Variants in PRDM16 observed in about 807,000 individuals in gnomAD.
The protein encoded by PRDM16 is histone-lysine N-methyltransferase PRDM16.
In PRDM16, 23 loss-of-function variants were observed where a neutral mutation model predicts 110.6. That is an observed-to-expected ratio of 0.21 (90% CI 0.15 to 0.29). PRDM16 has a LOEUF of 0.29. PRDM16 is among the 10% of genes least tolerant of loss of function. The pLI is 1.00. For synonymous variants in PRDM16, 799 were observed against 781.8 expected (o/e 1.02, Z -0.37); for missense variants, 1,615 against 1,794.3 (o/e 0.90, Z 1.81).
intron 1 of PRDM16, among the ~76,000 whole-genome samples, chr1:3,111,392 G>A (rs1642788414): frequency 1.2e-5 from 1 of 83,222 alleles, no homozygotes; most frequent in South Asian, 4.2e-4. Flanking sequence ...TCCACACATG[G>A]AGGCAGGATT....
At chr1:3,188,448 C>T (rs373797133) in intron 2 of PRDM16, among the ~76,000 whole-genome samples, 15 of 152,218 alleles carry the variant, frequency 9.9e-5, no homozygotes, top group South Asian at 2.1e-4. Context: ...CACTGCCTGC[C>T]GGTGCCTGTT....
intron 3 of PRDM16, among the ~76,000 whole-genome samples, chr1:3,362,774 C>G (rs886508310): frequency 1.3e-5 from 2 of 152,200 alleles, no homozygotes; most frequent in Non-Finnish European, 2.9e-5. Context: ...TAAAATCCCC[C>G]CCGTGGGACG....
At chr1:3,119,815 G>A (rs1213145100) in intron 1 of PRDM16, among the ~76,000 whole-genome samples, 2 of 152,234 alleles carry the variant, frequency 1.3e-5, no homozygotes, top group Non-Finnish European at 2.9e-5. Flanking sequence ...GCCTGCCCCT[G>A]TCACGCCGGA....
chr1:3,282,856 A>G (rs1407178014), intron 3 of PRDM16, among the ~76,000 whole-genome samples: 1 of 152,168 alleles, frequency 6.6e-6, no homozygotes, highest in East Asian at 1.9e-4. Context: ...GCGCTAGCCC[A>G]AGCTCCCGGG....
At chr1:3,423,933 G>A (rs1638512191) in intron 12 of PRDM16, among the ~76,000 whole-genome samples, 1 of 152,266 alleles carries the variant, frequency 6.6e-6, no homozygotes, top group South Asian at 2.1e-4. Flanking sequence ...TGTGGGATCA[G>A]ATGAGCACCG....
intron 3 of PRDM16, among the ~76,000 whole-genome samples, chr1:3,336,504 G>C (rs1288041559): frequency 6.6e-6 from 1 of 152,056 alleles, no homozygotes; most frequent in Admixed American, 6.5e-5. Flanking sequence ...GTGAGACTGA[G>C]CGTATTCATG....
At chr1:3,414,717 G>A in intron 10 of PRDM16, 70 bp downstream of exon 10, 1 of 1,223,456 alleles carries the variant, frequency 8.2e-7, no homozygotes, top group Non-Finnish European at 1.2e-6. Flanking sequence ...CGGCTGTCGA[G>A]GCTCAGTGGC....
intron 3 of PRDM16, among the ~76,000 whole-genome samples, chr1:3,341,042 G>A (rs767778938): frequency 1.4e-5 from 2 of 145,800 alleles, no homozygotes; most frequent in Non-Finnish European, 3.1e-5. Context: ...AACCCCGCAC[G>A]CTCCTTGGCC....
chr1:3,121,571 T>C (rs1643094488), intron 1 of PRDM16, among the ~76,000 whole-genome samples: 1 of 152,222 alleles, frequency 6.6e-6, no homozygotes, highest in African/African-American at 2.4e-5. Context: ...GGCCTGGGCC[T>C]GGCCTGGAAG....
At position 3,169,638 on chromosome 1, in the gene PRDM16, A is replaced by T. The variant is rs541362641; in HGVS notation, c.38-16487A>T. On this transcript the variant is annotated intron_variant, in intron 1 of 16. Coordinates refer to ENST00000270722, the MANE Select transcript of PRDM16 (RefSeq NM_022114.4). ...ACAAAGAGGCTGACAGAGGAAAACA[A>T]ACGATTAAAGAAAAAAAAACAGAGC... is the stretch of plus-strand genomic sequence containing the variant. Among the ~76,000 whole-genome samples, 4 of 152,290 alleles carry T rather than the reference A, an allele frequency of 2.6e-5. No individual in the cohort carries two copies. The South Asian group carries it at 8.3e-4, about 32-fold the overall frequency.
chr1:3,121,870 G>T (rs1018027311), intron 1 of PRDM16, among the ~76,000 whole-genome samples: 3 of 152,238 alleles, frequency 2.0e-5, no homozygotes, highest in Non-Finnish European at 4.4e-5. Flanking sequence ...AAGAAGGGCT[G>T]CAGCCCCGTC....
At chr1:3,338,067 G>C (rs1271726806) in intron 3 of PRDM16, among the ~76,000 whole-genome samples, 1 of 151,972 alleles carries the variant, frequency 6.6e-6, no homozygotes, top group Admixed American at 6.5e-5. Flanking sequence ...ACACAGACAC[G>C]TGTGCATGCA....
chr1:3,113,510 C>G (rs1015504841), intron 1 of PRDM16, among the ~76,000 whole-genome samples: 1 of 152,064 alleles, frequency 6.6e-6, no homozygotes, highest in Non-Finnish European at 1.5e-5. Context: ...GGGGAGGGGA[C>G]GAGACAGACC....
intron 1 of PRDM16, among the ~76,000 whole-genome samples, chr1:3,111,793 C>T (rs983586395): frequency 4.6e-5 from 7 of 152,236 alleles, no homozygotes; most frequent in South Asian, 4.1e-4. Context: ...AGGCGACACA[C>T]GGCTGCCTAT....
intron 2 of PRDM16, among the ~76,000 whole-genome samples, chr1:3,211,230 G>C (rs1045520999): frequency 5.3e-5 from 8 of 152,160 alleles, no homozygotes; most frequent in Non-Finnish European, 1.2e-4. Context: ...GAGAGCCTGC[G>C]GTCAGCAGCC....
rs374271999 is a variant in PRDM16, at chr1:3,412,705, C to T, written c.2508C>T (p.Gly836=). Residue 836 remains glycine, a synonymous_variant, in exon 9 of 17, where the codon GGC becomes GGT. Coordinates refer to ENST00000270722, the MANE Select transcript of PRDM16 (RefSeq NM_022114.4). ...HVYGERKLGA[G]EGLPQVCPAR... ...ATGGGGAACGCAAGCTGGGCGCCGG[C>T]GAGGGGCTGCCCCAGGTGTGCCCGG... 3.7e-4 allele frequency: 554 copies of T among 1,495,928 alleles called. 5 individuals are homozygous for T. The highest frequency in any genetic ancestry group is 2.5e-3 in the Middle Eastern group (14 of 5,692). 92.7% of individuals were successfully genotyped at this position (1,495,928 alleles called of 1,614,324 possible).
rs982195800 is a variant in PRDM16 at position 3,431,120 on chromosome 1, C to T, written c.3521+12C>T. Reference sequence around the variant, plus strand: ...GACCACACCCGAAGGTGGGGGCAGCCGTGTGCTCCAGGATGGGGCAGGGAG... The same window carrying T: ...GACCACACCCGAAGGTGGGGGCAGCTGTGTGCTCCAGGATGGGGCAGGGAG... On this transcript the variant is annotated intron_variant, in intron 15 of 16. Coordinates refer to ENST00000270722, the MANE Select transcript of PRDM16 (RefSeq NM_022114.4). The T allele has an allele frequency of 1.1e-5, 17 of 1,548,650 alleles. No homozygotes were observed. The highest frequency in any genetic ancestry group is 3.9e-5 in the Admixed American group (2 of 51,050).
At chr1:3,181,792 ATG>A (rs1465313083) in intron 1 of PRDM16, among the ~76,000 whole-genome samples, 22 of 133,362 alleles carry the variant, frequency 1.6e-4, no homozygotes, top group East Asian at 6.4e-4. Context: ...AGTCTTACAC[ATG>A]CAGTCTTACA....
chr1:3,347,494 C>A (rs1208304001), intron 3 of PRDM16, among the ~76,000 whole-genome samples: 1 of 152,208 alleles, frequency 6.6e-6, no homozygotes, highest in Non-Finnish European at 1.5e-5. Flanking sequence ...TGGTCCCAGG[C>A]AGGCTCTGTG....
Sources: allele counts gnomAD v4.1 joint callset (sites outside exome capture counted in the v4.1 genomes callset), GRCh38; gene constraint gnomAD v4.1.1; transcripts MANE v1.5; gene names NCBI Gene and HGNC (gene_info 2026-07-23, HGNC 2026-07-21).